Variants in RELN observed in about 807,000 individuals in gnomAD.
RELN encodes the protein reelin.
Under a neutral mutation model 427.6 loss-of-function variants are expected in RELN, and 108 were observed. That is an observed-to-expected ratio of 0.25 (90% CI 0.22 to 0.30). RELN has a LOEUF of 0.30. Among genes scored for constraint, RELN ranks in the 10% least tolerant of loss-of-function variants. RELN has a pLI of 1.00. For missense variants in RELN, 3,715 were observed against 4,302.8 expected (o/e 0.86, Z 3.82); for synonymous variants, 1,524 against 1,513.4 (o/e 1.01, Z -0.16).
chr7:103,723,114 C>A, intron 8 of RELN, 26 bp downstream of exon 8: 1 of 1,476,076 alleles, frequency 6.8e-7, no homozygotes, highest in Non-Finnish European at 9.5e-7. Context: ...CAAATTAAAT[C>A]GTTATAACTG....
intron 1 of RELN, among the ~76,000 whole-genome samples, chr7:103,964,022 G>A (rs1423409237): frequency 6.6e-6 from 1 of 152,104 alleles, no homozygotes; most frequent in Non-Finnish European, 1.5e-5. Context: ...AGCCAGGCAT[G>A]GTGGCACACA....
chr7:103,719,073 C>T (rs1017442311), intron 8 of RELN, among the ~76,000 whole-genome samples: 2 of 152,112 alleles, frequency 1.3e-5, no homozygotes, highest in African/African-American at 2.4e-5. Context: ...AACTAAAGAA[C>T]AACATTATTT....
intron 4 of RELN, among the ~76,000 whole-genome samples, chr7:103,767,316 C>CT (rs902292455): frequency 1.3e-5 from 2 of 152,222 alleles, no homozygotes; most frequent in Middle Eastern, 3.4e-3. Context: ...AATGTTTGAT[C>CT]TTTTTTTAAC....
intron 46 of RELN, among the ~76,000 whole-genome samples, chr7:103,525,595 A>T (rs1829805647): frequency 6.6e-6 from 1 of 152,120 alleles, no homozygotes. Flanking sequence ...ATTTACAGTT[A>T]TGTCTGTTTA....
At chr7:103,805,120 A>T (rs1792565546) in intron 3 of RELN, among the ~76,000 whole-genome samples, 1 of 151,996 alleles carries the variant, frequency 6.6e-6, no homozygotes, top group African/African-American at 2.4e-5. Context: ...TCTGCTCTTG[A>T]TTTTGCCACT....
intron 4 of RELN, among the ~76,000 whole-genome samples, chr7:103,774,480 T>C (rs997661920): frequency 5.9e-5 from 9 of 152,274 alleles, no homozygotes; most frequent in African/African-American, 2.2e-4. Flanking sequence ...TTTGCTTTGC[T>C]TGAATTGTTT....
intron 41 of RELN, among the ~76,000 whole-genome samples, chr7:103,550,703 G>A (rs755995459): frequency 5.3e-5 from 8 of 151,538 alleles, no homozygotes; most frequent in Non-Finnish European, 1.0e-4. Flanking sequence ...GACAGACATA[G>A]GCAGGTGTTT....
chr7:103,689,110 A>G lies in RELN; in HGVS notation c.1144-6849T>C, dbSNP rs542206988. Among the ~76,000 whole-genome samples, 5 of 152,276 alleles carry G rather than the reference A, an allele frequency of 3.3e-5. No individual in the cohort carries two copies. In the South Asian group the frequency reaches 6.2e-4, roughly 19 times the overall value. ...AAAAAATAAAATGTCTTTTAAATAC[A>G]TGTGATCAAATCACAGCCTATTCTA... On this transcript the variant is annotated intron_variant, in intron 10 of 64. Transcript: ENST00000428762.
chr7:103,776,729 T>G, intron 3 of RELN, 102 bp from the exon 4 acceptor site: 1 of 1,176,918 alleles, frequency 8.5e-7, no homozygotes, highest in Non-Finnish European at 1.2e-6. Flanking sequence ...CTTTATTGTG[T>G]GGATATGATA....
intron 2 of RELN, among the ~76,000 whole-genome samples, chr7:103,870,069 G>C (rs1357997851): frequency 6.6e-6 from 1 of 152,030 alleles, no homozygotes; most frequent in Non-Finnish European, 1.5e-5. Context: ...TGCAGGTCTA[G>C]AATTTCGGTT....
chr7:103,691,645 T>C (rs1833872557), intron 10 of RELN, among the ~76,000 whole-genome samples: 1 of 152,002 alleles, frequency 6.6e-6, no homozygotes, highest in Non-Finnish European at 1.5e-5. Flanking sequence ...AAACCCCATC[T>C]TTACTAAAAG....
chr7:103,850,078 G>A (rs145976888), intron 2 of RELN, among the ~76,000 whole-genome samples: 67 of 152,282 alleles, frequency 4.4e-4, no homozygotes, highest in African/African-American at 1.5e-3. Flanking sequence ...ATTACAGAGG[G>A]TTTTATCTTC....
At chr7:103,931,776 C>T (rs1012423625) in intron 1 of RELN, among the ~76,000 whole-genome samples, 1 of 152,166 alleles carries the variant, frequency 6.6e-6, no homozygotes, top group Admixed American at 6.6e-5. Flanking sequence ...ACCCAAAAGT[C>T]TCCAATATGC....
At chr7:103,879,334 G>C (rs1320997258) in intron 2 of RELN, among the ~76,000 whole-genome samples, 4 of 152,184 alleles carry the variant, frequency 2.6e-5, no homozygotes, top group Non-Finnish European at 4.4e-5. Flanking sequence ...TATTGCTACT[G>C]TTCCCTCCTC....
At chr7:103,688,929 T>C (rs1157276638) in intron 10 of RELN, among the ~76,000 whole-genome samples, 1 of 152,134 alleles carries the variant, frequency 6.6e-6, no homozygotes, top group African/African-American at 2.4e-5. Flanking sequence ...GTCTTTATTA[T>C]TGGATATTTA....
At chr7:103,679,725 G>A (rs549923618) in intron 11 of RELN, among the ~76,000 whole-genome samples, 7 of 151,948 alleles carry the variant, frequency 4.6e-5, no homozygotes, top group South Asian at 2.1e-4. Flanking sequence ...GGAAATGATC[G>A]ATTTAGTTGT....
At chr7:103,955,098 T>C (rs537731510) in intron 1 of RELN, among the ~76,000 whole-genome samples, 1 of 152,298 alleles carries the variant, frequency 6.6e-6, no homozygotes, top group South Asian at 2.1e-4. Context: ...CCAACAGAAA[T>C]GAACTACTTA....
chr7:103,635,487 A>G lies in RELN; in HGVS notation c.2403T>C (p.Tyr801=), dbSNP rs1039314161. ...PGEGVLLHYS[Y]DNGITWKLLE... ...GGAGTTTCCAAGTTATCCCATTATC[A>G]TAAGAATAATGCAACAAAACTCCTT... Residue 801 remains tyrosine (Y), a synonymous_variant, in exon 19 of 65, where the codon TAT becomes TAC. Coordinates refer to ENST00000428762, the MANE Select transcript of RELN (RefSeq NM_005045.4). 3.1e-6 allele frequency: 5 copies of G among 1,613,800 alleles called. No homozygotes were observed. In the Admixed American group the frequency reaches 6.7e-5, roughly 22 times the overall value.
intron 6 of RELN, among the ~76,000 whole-genome samples, chr7:103,739,798 G>A (rs1174536894): frequency 2.0e-5 from 3 of 152,182 alleles, no homozygotes; most frequent in African/African-American, 7.2e-5. Flanking sequence ...AGAGTAGAAG[G>A]AATCTATGCT....
Sources: gnomAD v4.1 joint callset for allele counts (sites outside exome capture counted in the v4.1 genomes callset) on GRCh38, gnomAD v4.1.1 for gene constraint, MANE v1.5 for transcripts, NCBI Gene and HGNC (gene_info 2026-07-23, HGNC 2026-07-21) for gene names.